The following BCL9 variants were observed in gnomAD, a reference collection of about 807,000 sequenced individuals.
BCL9 encodes the protein B-cell CLL/lymphoma 9 protein.
Under a neutral mutation model 88.5 loss-of-function variants are expected in BCL9, and 25 were observed. That is an observed-to-expected ratio of 0.28 (90% confidence interval 0.21 to 0.39). The LOEUF is 0.39. BCL9 is among the 10% of genes least tolerant of loss of function. The pLI is 1.00. For missense variants in BCL9, 1,817 were observed against 1,877.8 expected, an observed-to-expected ratio of 0.97 and a Z score of 0.60; for synonymous variants, 711 against 673.3, an observed-to-expected ratio of 1.06 and a Z score of -0.87.
Position 147,611,880 on chromosome 1 carries a change from A to G in BCL9, c.44A>G (p.Asn15Ser). Residue 15 changes from asparagine (N) to serine (S), a missense_variant, in exon 4 of 10, where the codon AAC becomes AGC. Physicochemically the swap from Asn to Ser is conservative, Grantham distance 46. This residue lies in a region of BCL9 where 1,228 missense variants were observed against 1,191.6 expected (regional missense o/e 1.03). Coordinates refer to ENST00000234739, the MANE Select transcript of BCL9 (RefSeq NM_004326.4). ...AAAGTGAGGAGCTCTCCATCAGGAA[A>G]CACACAGAGGTAAGGGCTGGGCTGG... ...NPKVRSSPSGNTQSSPKSKQE... is the reference protein window; with the variant it reads ...NPKVRSSPSGSTQSSPKSKQE... 6.2e-7 allele frequency: 1 copy of G among 1,614,152 alleles called. No individual in the cohort carries two copies. Among genetic ancestry groups the G allele is most frequent in the Non-Finnish European group, 8.5e-7 (1 of 1,179,980 alleles).
intron 1 of BCL9, among the ~76,000 whole-genome samples, chr1:147,593,310 T>G (rs1240643671): frequency 6.6e-6 from 1 of 152,226 alleles, no homozygotes; most frequent in African/African-American, 2.4e-5. Context: ...TGCCATTTAT[T>G]TATTTATTGC....
intron 5 of BCL9, among the ~76,000 whole-genome samples, chr1:147,613,535 T>C (rs1197059458): frequency 2.0e-5 from 3 of 152,162 alleles, no homozygotes; most frequent in African/African-American, 7.2e-5. Context: ...CTCTAGTTTG[T>C]CTGTGCCAGT....
rs781846437 is a variant in BCL9, at chr1:147,620,605, T to C, written c.2450T>C (p.Met817Thr). 2 of 1,614,208 alleles carry C rather than the reference T, an allele frequency of 1.2e-6. No homozygotes were observed. The highest frequency in any genetic ancestry group is 2.2e-5 in the South Asian group (2 of 91,086). The change falls in exon 8 of 10, where the codon ATG (methionine) becomes ACG (threonine). Residue 817 changes from methionine to threonine, a missense_variant. Physicochemically the swap from Met to Thr is moderately conservative, Grantham distance 81. Transcript: ENST00000234739. The part of the protein sequence containing the change: ...DQRTNSRLSH[M>T]PPLPLNPSSN... Reference sequence around the variant, plus strand: ...AGGACTAACAGCCGGCTCAGTCATATGCCACCACTACCTCTCAACCCTTCC... The same window carrying C: ...AGGACTAACAGCCGGCTCAGTCATACGCCACCACTACCTCTCAACCCTTCC...
intron 1 of BCL9, among the ~76,000 whole-genome samples, chr1:147,566,394 C>A (rs1481586887): frequency 6.6e-6 from 1 of 151,980 alleles, no homozygotes; most frequent in African/African-American, 2.4e-5. Flanking sequence ...ATTCAGGGGA[C>A]CCCCCTGAAG....
At chr1:147,614,706 C>T in intron 6 of BCL9, 90 bp downstream of exon 6, 10 of 1,334,660 alleles carry the variant, frequency 7.5e-6, no homozygotes, top group Non-Finnish European at 9.1e-6. Context: ...TTTATTATCA[C>T]CTAAAGTTAA....
chr1:147,575,119 C>T (rs1210618660), intron 1 of BCL9, among the ~76,000 whole-genome samples: 10 of 152,170 alleles, frequency 6.6e-5, no homozygotes, highest in African/African-American at 2.4e-4. Context: ...CTTTCAATAT[C>T]AAATTCATTA....
At chr1:147,615,500 C>T (rs1658231646) in intron 6 of BCL9, among the ~76,000 whole-genome samples, 1 of 152,160 alleles carries the variant, frequency 6.6e-6, no homozygotes. Flanking sequence ...GGATTTTGAA[C>T]TCGGATTCTC....
chr1:147,614,034 G>C (rs1658142023), intron 5 of BCL9, among the ~76,000 whole-genome samples: 1 of 152,168 alleles, frequency 6.6e-6, no homozygotes, highest in Non-Finnish European at 1.5e-5. Context: ...AGATACAGCT[G>C]TTGTCCTCAA....
chr1:147,579,870 CCTGA>C (rs1553198424), intron 1 of BCL9, among the ~76,000 whole-genome samples: 8 of 152,182 alleles, frequency 5.3e-5, no homozygotes, highest in Admixed American at 1.3e-4. Flanking sequence ...TACCCACCTT[CCTGA>C]CTATCACTTT....
At chr1:147,563,097 T>G (rs1289073624) in intron 1 of BCL9, among the ~76,000 whole-genome samples, 1 of 152,190 alleles carries the variant, frequency 6.6e-6, no homozygotes, top group Non-Finnish European at 1.5e-5. Flanking sequence ...GTTGGCCCCT[T>G]TTGTCAGTCA....
intron 1 of BCL9, among the ~76,000 whole-genome samples, chr1:147,592,194 G>A (rs1379266585): frequency 6.6e-6 from 1 of 152,186 alleles, no homozygotes; most frequent in African/African-American, 2.4e-5. Context: ...GAAAAGAGCA[G>A]TTGATACAGA....
At position 147,599,304 on chromosome 1, in the gene BCL9, A is replaced by G. The variant is rs587596455; in HGVS notation, c.-477-5473A>G. ...AGGCGGTGCAGACTCAGAGGTGGAGAGAAGGGACAGGAAAGCGGGGTGGAA... is the reference window on the plus strand; with the variant it reads ...AGGCGGTGCAGACTCAGAGGTGGAGGGAAGGGACAGGAAAGCGGGGTGGAA... On this transcript the variant is annotated intron_variant, in intron 1 of 9. Transcript: ENST00000234739. Among the ~76,000 whole-genome samples, 55 of 152,292 alleles carry G rather than the reference A, an allele frequency of 3.6e-4. No homozygotes were observed. In the South Asian group the frequency reaches 4.6e-3, roughly 13 times the overall value.
chr1:147,554,902 C>T (rs1655037639), intron 1 of BCL9, among the ~76,000 whole-genome samples: 1 of 152,098 alleles, frequency 6.6e-6, no homozygotes, highest in Non-Finnish European at 1.5e-5. Flanking sequence ...CTCCAGGTCC[C>T]TGGTGCTTAC....
intron 1 of BCL9, among the ~76,000 whole-genome samples, chr1:147,560,665 G>C (rs1395405408): frequency 1.3e-5 from 2 of 151,492 alleles, no homozygotes; most frequent in Non-Finnish European, 2.9e-5. Context: ...CCAGCATTTT[G>C]GGAGGCTAAG....
chr1:147,567,157 C>A (rs1351114944), intron 1 of BCL9, among the ~76,000 whole-genome samples: 1 of 152,258 alleles, frequency 6.6e-6, no homozygotes, highest in African/African-American at 2.4e-5. Context: ...AGAAAAGCAA[C>A]CCCTTCCCAA....
At chr1:147,547,391 TC>T (rs1260878481) in intron 1 of BCL9, among the ~76,000 whole-genome samples, 1 of 152,168 alleles carries the variant, frequency 6.6e-6, no homozygotes. Flanking sequence ...TTTAAAAATT[TC>T]ACACAATGGC....
At chr1:147,587,708 C>T (rs1656676783) in intron 1 of BCL9, among the ~76,000 whole-genome samples, 1 of 151,812 alleles carries the variant, frequency 6.6e-6, no homozygotes. Context: ...CTTAAAAACC[C>T]AAAGGAAATG....
intron 1 of BCL9, among the ~76,000 whole-genome samples, chr1:147,570,144 G>A (rs1553197207): frequency 6.6e-6 from 1 of 152,210 alleles, no homozygotes; most frequent in South Asian, 2.1e-4. Flanking sequence ...TGTCTGAGCT[G>A]GAGCTATTGG....
intron 1 of BCL9, among the ~76,000 whole-genome samples, chr1:147,581,636 T>C (rs1263647264): frequency 1.3e-5 from 2 of 152,226 alleles, no homozygotes; most frequent in East Asian, 1.9e-4. Context: ...GCACAGGACC[T>C]ACGTCAGCTC....
Sources: gnomAD v4.1 joint callset for allele counts (sites outside exome capture counted in the v4.1 genomes callset) on GRCh38, gnomAD v4.1.1 for gene constraint, gnomAD v4.1.1 regional missense constraint, MANE v1.5 for transcripts, NCBI Gene and HGNC (gene_info 2026-07-23, HGNC 2026-07-21) for gene names.